The following ENTPD7 variants were observed in gnomAD, a reference collection of about 807,000 sequenced individuals.
ENTPD7 encodes the protein ectonucleoside triphosphate diphosphohydrolase 7, also known as NTPDase 7.
A neutral mutation model predicts 77.9 loss-of-function variants in ENTPD7; 53 were observed. The ratio of observed to expected loss-of-function variants is 0.68; its 90% CI spans 0.55 to 0.85. The LOEUF (loss-of-function observed/expected upper bound fraction) is 0.85. Among genes scored for constraint, ENTPD7 ranks in the 40% least tolerant of loss-of-function variants. The pLI is 0.00. For missense variants in ENTPD7, 636 were observed against 743.7 expected (o/e 0.86, Z 1.68); for synonymous variants, 248 against 274.9 (o/e 0.90, Z 0.97).
At chr10:99,691,271 T>C in intron 7 of ENTPD7, 114 bp from the exon 8 acceptor site, 1 of 1,136,488 alleles carries the variant, frequency 8.8e-7, no homozygotes, top group Non-Finnish European at 1.2e-6. Context: ...GGATTACAGG[T>C]GTGAGCCATG....
Position 99,695,972 on chromosome 10 carries a change from T to C in ENTPD7, c.860T>C (p.Ile287Thr), listed in dbSNP as rs1349967872. Residue 287 changes from isoleucine to threonine, a missense_variant, in exon 9 of 13, where the codon ATC (isoleucine) becomes ACC (threonine). Coordinates refer to ENST00000370489, the MANE Select transcript of ENTPD7 (RefSeq NM_020354.5). ...LPAKQEEAAK[I>T]LLAEFNLGCD... ...GTATTATAGGAAGAAGCTGCCAAGA[T>C]CCTGCTGGCTGAGTTCAACCTGGGC... is the stretch of plus-strand genomic sequence containing the variant. 5 of 1,613,352 alleles carry C rather than the reference T, an allele frequency of 3.1e-6. No individual in the cohort carries two copies. Among genetic ancestry groups the C allele is most frequent in the Non-Finnish European group, 3.4e-6 (4 of 1,179,740 alleles).
chr10:99,703,289 G>C (rs572018122), intron 12 of ENTPD7, among the ~76,000 whole-genome samples: 2 of 152,132 alleles, frequency 1.3e-5, no homozygotes, highest in Non-Finnish European at 2.9e-5. Context: ...GATGAATTTT[G>C]TATCTTTGAT....
intron 2 of ENTPD7, 50 bp downstream of exon 2, chr10:99,660,014 G>C (rs199879675): frequency 1.2e-6 from 2 of 1,613,446 alleles, no homozygotes; most frequent in East Asian, 2.2e-5. Context: ...GAGGATGGCA[G>C]GCAGGTTGGG....
chr10:99,659,700 G>C lies in ENTPD7; in HGVS notation c.-96+112G>C. ...TTCCTAGAGGACAGAGCTGGCCCAC[G>C]AGAACGCCCCGCTCCCAGGATGCCC... is the stretch of plus-strand genomic sequence containing the variant. On this transcript the variant is annotated intron_variant, in intron 1 of 12. Transcript: ENST00000370489. This position sits in a 1 kb window ranked among gnomAD's most constrained non-coding sequence, Gnocchi z 4.1. 3 of 459,060 alleles carry C rather than the reference G, an allele frequency of 6.5e-6. No individual in the cohort carries two copies. Among genetic ancestry groups the C allele is most frequent in the Non-Finnish European group, 1.2e-5 (3 of 253,780 alleles). The allele number at this position is 459,060 out of a possible 1,614,324, so 28.4% of individuals were successfully genotyped here.
At position 99,698,840 on chromosome 10, in the gene ENTPD7, A is replaced by G. The variant is rs2036045107; in HGVS notation, c.1317A>G (p.Thr439=). The stretch of plus-strand genomic sequence containing the variant: ...TTGGTGGCCGCTACCATGGGCCAAC[A>G]TTTGCCAAGGCTGCTCAGGTAAATT... ...LRIGGRYHGP[T]FAKAAQDYCG... Residue 439 remains threonine (T), a synonymous_variant, in exon 10 of 13, where the codon ACA becomes ACG. Coordinates refer to ENST00000370489, the MANE Select transcript of ENTPD7 (RefSeq NM_020354.5). 6.2e-7 allele frequency: 1 copy of G among 1,604,320 alleles called. No individual in the cohort carries two copies. Among genetic ancestry groups the G allele is most frequent in the Non-Finnish European group, 8.5e-7 (1 of 1,174,066 alleles).
intron 6 of ENTPD7, 94 bp from the exon 7 acceptor site, chr10:99,688,600 C>A: frequency 1.8e-6 from 2 of 1,140,740 alleles, no homozygotes; most frequent in South Asian, 1.8e-5. Flanking sequence ...ATTACTTTTT[C>A]CAAGAAAAAG....
rs2035805350 is a variant in ENTPD7 at position 99,685,875 on chromosome 10, T to A, written c.632T>A (p.Val211Glu). Residue 211 changes from valine (V) to glutamate (E), a missense_variant, in exon 6 of 13, where the codon GTG (valine) becomes GAG (glutamate). Transcript: ENST00000370489. ...CTCTTTTCACAGTCTCAAGCAGAAG[T>A]GATCTCTGGGAAGCAGGAAGGTACT... The part of the protein sequence containing the change: ...DFLFSQSQAE[V>E]ISGKQEGVYA... The A allele has an allele frequency of 6.2e-7, 1 of 1,613,422 alleles. No individual in the cohort carries two copies. The highest frequency in any genetic ancestry group is 8.5e-7 in the Non-Finnish European group (1 of 1,179,720).
chr10:99,695,760 G>A (rs990042509), intron 8 of ENTPD7, among the ~76,000 whole-genome samples, 196 bp from the exon 9 acceptor site: 2 of 152,082 alleles, frequency 1.3e-5, no homozygotes, highest in Non-Finnish European at 2.9e-5. Context: ...TCTTAATTTA[G>A]TGTCTAATTT....
At chr10:99,678,422 C>T (rs542047773) in intron 3 of ENTPD7, among the ~76,000 whole-genome samples, 2 of 150,616 alleles carry the variant, frequency 1.3e-5, no homozygotes, top group Admixed American at 6.6e-5. Flanking sequence ...GAGCTGAGAT[C>T]ATGCCACTGC....
rs1485297917 is a variant in ENTPD7 at position 99,707,100 on chromosome 10, G to A, written c.*2417G>A. ...CTATTACTGTTCTTTTTATAGTTGAGAATCTCAGGATACCTACATTTATCA... is the reference window on the plus strand; with the variant it reads ...CTATTACTGTTCTTTTTATAGTTGAAAATCTCAGGATACCTACATTTATCA... On this transcript the variant is annotated 3_prime_UTR_variant, in exon 13 of 13. Coordinates refer to ENST00000370489, the MANE Select transcript of ENTPD7 (RefSeq NM_020354.5). 6.6e-6 allele frequency among the ~76,000 whole-genome samples: 1 copy of A among 152,174 alleles called. No homozygotes were observed. Among genetic ancestry groups the A allele is most frequent in the East Asian group, 1.9e-4 (1 of 5,198 alleles).
intron 3 of ENTPD7, among the ~76,000 whole-genome samples, chr10:99,668,588 G>A (rs190241615): frequency 7.9e-5 from 12 of 152,212 alleles, no homozygotes; most frequent in Admixed American, 7.8e-4. Flanking sequence ...AGGAATGTCA[G>A]GTGCATTGAT....
At chr10:99,674,226 A>G (rs2035653201) in intron 3 of ENTPD7, among the ~76,000 whole-genome samples, 1 of 152,218 alleles carries the variant, frequency 6.6e-6, no homozygotes, top group South Asian at 2.1e-4. Flanking sequence ...AAGAGTGTTT[A>G]GTGGCCTTTG....
intron 2 of ENTPD7, among the ~76,000 whole-genome samples, chr10:99,660,821 C>T (rs1458205380): frequency 1.3e-5 from 2 of 151,810 alleles, no homozygotes; most frequent in African/African-American, 4.8e-5. Flanking sequence ...ACTGGGGAGG[C>T]TGAGGGAGAA....
At chr10:99,664,128 A>T (rs2035520206) in intron 3 of ENTPD7, among the ~76,000 whole-genome samples, 1 of 152,118 alleles carries the variant, frequency 6.6e-6, no homozygotes, top group Admixed American at 6.5e-5. Context: ...TAGCTATACC[A>T]GTTGCACAGA....
rs1482637651 is a variant in ENTPD7, at chr10:99,704,657, A to G, written c.1789A>G (p.Met597Val). The change falls in exon 13 of 13, where the codon ATG (methionine) becomes GTG (valine). Residue 597 changes from methionine to valine, a missense_variant. By Grantham distance (21) the Met-to-Val change is conservative. Around this residue, in one of 3 missense-constraint regions of ENTPD7, gnomAD observed 138 missense variants for 150.9 expected, o/e 0.91. Transcript: ENST00000370489. ...DLLWLEEVVP[M>V]MGVQVGP Reference sequence around the variant, plus strand: ...GCTGTGGCTTGAAGAGGTGGTGCCCATGATGGGAGTACAGGTGGGGCCGTG... The same window carrying G: ...GCTGTGGCTTGAAGAGGTGGTGCCCGTGATGGGAGTACAGGTGGGGCCGTG... The G allele has an allele frequency of 1.9e-6, 3 of 1,613,910 alleles. No homozygotes were observed. Among genetic ancestry groups the G allele is most frequent in the Non-Finnish European group, 2.5e-6 (3 of 1,179,948 alleles).
In ENTPD7 at chr10:99,706,742, G is replaced by A. The variant is rs925934955; in HGVS notation, c.*2059G>A. Reference sequence around the variant, plus strand: ...CTTTTTCTTTTATTATCTGTGCTCCGTGAACCTTATGAATGCTGCTTAAAA... The same window carrying A: ...CTTTTTCTTTTATTATCTGTGCTCCATGAACCTTATGAATGCTGCTTAAAA... On this transcript the variant is annotated 3_prime_UTR_variant, in exon 13 of 13. Transcript: ENST00000370489. Among the ~76,000 whole-genome samples, 2 of 152,020 alleles carry A rather than the reference G, an allele frequency of 1.3e-5. No homozygotes were observed. Among genetic ancestry groups the A allele is most frequent in the Non-Finnish European group, 2.9e-5 (2 of 68,006 alleles).
chr10:99,710,820 T>C lies in ENTPD7; in HGVS notation c.*6137T>C, dbSNP rs1590074452. The C allele has an allele frequency of 1.0e-6, 1 of 985,426 alleles. No individual in the cohort carries two copies. Among genetic ancestry groups the C allele is most frequent in the Non-Finnish European group, 1.2e-6 (1 of 829,908 alleles). 61.0% of individuals were successfully genotyped at this position (985,426 alleles called of 1,614,324 possible). The stretch of plus-strand genomic sequence containing the variant: ...TAGTCATTACCCCTGCTACAATAGA[T>C]AGTATTTGTCAGTCTAAGTTACAGA... On this transcript the variant is annotated 3_prime_UTR_variant, in exon 13 of 13. Transcript: ENST00000370489.
At chr10:99,666,000 A>T (rs115790409) in intron 3 of ENTPD7, among the ~76,000 whole-genome samples, 2,176 of 152,286 alleles carry the variant, frequency 0.014, 61 homozygotes, top group African/African-American at 0.049. Context: ...ATAGTTTCTC[A>T]CTTGAAGACG....
rs368485625 is a variant in ENTPD7, at chr10:99,704,486, G to A, written c.1618G>A (p.Gly540Ser). Residue 540 changes from glycine to serine, a missense_variant, in exon 13 of 13, where the codon GGT becomes AGT. By Grantham distance (56) the Gly-to-Ser change is moderately conservative. Transcript: ENST00000370489. ...LRQEGVRQAHGSWFRLSFVYN... is the reference protein window; with the variant it reads ...LRQEGVRQAHSSWFRLSFVYN... Reference sequence around the variant, plus strand: ...GCAGGAAGGTGTCCGACAAGCCCATGGTAGCTGGTTCCGTCTCTCCTTTGT... The same window carrying A: ...GCAGGAAGGTGTCCGACAAGCCCATAGTAGCTGGTTCCGTCTCTCCTTTGT... 1.9e-6 allele frequency: 3 copies of A among 1,614,110 alleles called. No homozygotes were observed. Among genetic ancestry groups the A allele is most frequent in the African/African-American group, 2.7e-5 (2 of 74,932 alleles).
Sources: gnomAD v4.1 joint callset for allele counts (sites outside exome capture counted in the v4.1 genomes callset) on GRCh38, gnomAD v4.1.1 for gene constraint, gnomAD v4.1.1 regional missense constraint, Gnocchi (gnomAD v3.1) non-coding constraint, MANE v1.5 for transcripts, NCBI Gene and HGNC (gene_info 2026-07-23, HGNC 2026-07-21) for gene names.